The following FAM241A variants were observed in gnomAD, a reference collection of about 807,000 sequenced individuals.
FAM241A encodes the protein family with sequence similarity 241 member A.
Under a neutral mutation model 12.2 loss-of-function variants are expected in FAM241A, and 7 were observed. The observed-to-expected ratio is 0.58, with a 90% confidence interval of 0.33 to 1.08. The LOEUF (loss-of-function observed/expected upper bound fraction) is 1.08. FAM241A is among the 50% of genes least tolerant of loss of function. The pLI, the probability that FAM241A is intolerant of heterozygous loss-of-function variation, is 0.04. For synonymous variants in FAM241A, 74 were observed against 68.2 expected (o/e 1.08, Z -0.42); for missense variants, 161 against 169.7 (o/e 0.95, Z 0.29).
chr4:112,173,903 A>G (rs531370305), intron 1 of FAM241A, among the ~76,000 whole-genome samples: 116 of 152,368 alleles, frequency 7.6e-4, no homozygotes, highest in African/African-American at 2.3e-3. Flanking sequence ...GCAAAGCAGC[A>G]ATTTAACTGT....
intron 1 of FAM241A, among the ~76,000 whole-genome samples, chr4:112,161,067 T>C (rs575815225): frequency 9.4e-4 from 143 of 152,198 alleles, no homozygotes; most frequent in Middle Eastern, 6.8e-3. Context: ...TAGGCTCACA[T>C]GAAGTTAAAA....
intron 1 of FAM241A, among the ~76,000 whole-genome samples, chr4:112,172,724 T>C (rs1723748710): frequency 6.6e-6 from 1 of 152,222 alleles, no homozygotes; most frequent in Non-Finnish European, 1.5e-5. Flanking sequence ...ATCTAATACT[T>C]TATAGGTACC....
chr4:112,158,946 T>G (rs552353440), intron 1 of FAM241A, among the ~76,000 whole-genome samples: 39 of 152,292 alleles, frequency 2.6e-4, no homozygotes, highest in Admixed American at 1.4e-3. Context: ...GACTGTATGA[T>G]TGTGCTTTAT....
rs559550971 is a variant in FAM241A at position 112,194,984 on chromosome 4, G to C, written c.*8046G>C. 1 of 152,234 alleles carries C rather than the reference G, an allele frequency of 6.6e-6. No individual in the cohort carries two copies. 9.4% of individuals were successfully genotyped at this position (152,234 alleles called of 1,614,324 possible). ...AGACGGGGTTTCACCATGTTGGCCA[G>C]GATGGTCTCAATCGCTTGACCTCAT... On this transcript the variant is annotated 3_prime_UTR_variant, in exon 2 of 2. Transcript: ENST00000309733.
chr4:112,165,693 A>G (rs1486552890), intron 1 of FAM241A, among the ~76,000 whole-genome samples: 4 of 152,144 alleles, frequency 2.6e-5, no homozygotes, highest in African/African-American at 9.7e-5. Context: ...TACTTGTGGG[A>G]TCTAAAAATC....
chr4:112,155,400 C>T (rs1723331300), intron 1 of FAM241A, among the ~76,000 whole-genome samples: 1 of 151,996 alleles, frequency 6.6e-6, no homozygotes, highest in Non-Finnish European at 1.5e-5. Flanking sequence ...TTGTTTTTAT[C>T]CATCCCCTCA....
intron 1 of FAM241A, among the ~76,000 whole-genome samples, chr4:112,159,476 A>G (rs1024485056): frequency 2.0e-5 from 3 of 152,210 alleles, no homozygotes; most frequent in African/African-American, 7.2e-5. Context: ...AGACACATCA[A>G]AGAAAGAAAA....
intron 1 of FAM241A, among the ~76,000 whole-genome samples, chr4:112,159,521 C>G (rs553630347): frequency 3.9e-5 from 6 of 152,174 alleles, no homozygotes; most frequent in Non-Finnish European, 7.4e-5. Context: ...TATTGAGGTA[C>G]AAATCCTCAA....
At chr4:112,179,968 T>G (rs1347850618) in intron 1 of FAM241A, among the ~76,000 whole-genome samples, 1 of 145,838 alleles carries the variant, frequency 6.9e-6, no homozygotes, top group Non-Finnish European at 1.5e-5. Flanking sequence ...TGTATATATA[T>G]ATATCACATA....
intron 1 of FAM241A, among the ~76,000 whole-genome samples, chr4:112,149,182 T>G (rs1723197855): frequency 6.6e-6 from 1 of 151,742 alleles, no homozygotes; most frequent in African/African-American, 2.4e-5. Flanking sequence ...TATACACACT[T>G]TTTTTTTGAG....
rs1245395117 is a variant in FAM241A at position 112,193,460 on chromosome 4, C to T, written c.*6522C>T. 2 of 152,124 alleles carry T rather than the reference C, an allele frequency of 1.3e-5. No homozygotes were observed. The highest frequency in any genetic ancestry group is 1.9e-4 in the East Asian group (1 of 5,192). 9.4% of individuals were successfully genotyped at this position (152,124 alleles called of 1,614,324 possible). Reference sequence around the variant, plus strand: ...TGAATGGTAATGCCTAGGTTTTCTTCTAGGGTTTTTATGGTTTTAGGTCTG... The same window carrying T: ...TGAATGGTAATGCCTAGGTTTTCTTTTAGGGTTTTTATGGTTTTAGGTCTG... On this transcript the variant is annotated 3_prime_UTR_variant, in exon 2 of 2. Transcript: ENST00000309733.
chr4:112,171,464 T>A (rs1723718066), intron 1 of FAM241A: 2 of 778,782 alleles, frequency 2.6e-6, no homozygotes, highest in Non-Finnish European at 4.7e-6. Flanking sequence ...TGCTGGCTAT[T>A]AAAAGATGCA....
At chr4:112,149,994 A>G (rs1723215298) in intron 1 of FAM241A, among the ~76,000 whole-genome samples, 1 of 152,080 alleles carries the variant, frequency 6.6e-6, no homozygotes, top group South Asian at 2.1e-4. Context: ...CACCACTCAC[A>G]TGTATACACG....
intron 1 of FAM241A, among the ~76,000 whole-genome samples, chr4:112,162,265 T>A (rs529550614): frequency 6.6e-6 from 1 of 152,174 alleles, no homozygotes; most frequent in African/African-American, 2.4e-5. Flanking sequence ...AGGGATGCCC[T>A]CTCTCACCAC....
At chr4:112,171,759 T>C (rs754118049) in intron 1 of FAM241A, among the ~76,000 whole-genome samples, 1 of 152,044 alleles carries the variant, frequency 6.6e-6, no homozygotes, top group Non-Finnish European at 1.5e-5. Flanking sequence ...CTCAGGAGGC[T>C]GAGGCAGGAG....
rs148908165 is a variant in FAM241A, at chr4:112,163,538, C to A, written c.153+17805C>A. Reference sequence around the variant, plus strand: ...CACTTCTCAAAAGAAGACATTTATACAGCCAAAAGACACATGAAAAAATGC... The same window carrying A: ...CACTTCTCAAAAGAAGACATTTATAAAGCCAAAAGACACATGAAAAAATGC... On this transcript the variant is annotated intron_variant, in intron 1 of 1. Coordinates refer to ENST00000309733, the MANE Select transcript of FAM241A (RefSeq NM_152400.3). Among the ~76,000 whole-genome samples the A allele has an allele frequency of 3.0e-3, 463 of 152,312 alleles. 6 individuals carry two copies. The highest frequency in any genetic ancestry group is 0.011 in the African/African-American group (442 of 41,568).
At chr4:112,168,906 C>A (rs1246780370) in intron 1 of FAM241A, among the ~76,000 whole-genome samples, 2 of 152,270 alleles carry the variant, frequency 1.3e-5, no homozygotes, top group South Asian at 2.1e-4. Flanking sequence ...CTCAAGTAAT[C>A]CGCCTGCCTC....
chr4:112,157,494 G>A (rs1723378001), intron 1 of FAM241A, among the ~76,000 whole-genome samples: 1 of 151,942 alleles, frequency 6.6e-6, no homozygotes. Context: ...GCTACACTAA[G>A]TAGATTAATT....
At chr4:112,163,877 GT>G (rs1399153614) in intron 1 of FAM241A, among the ~76,000 whole-genome samples, 3 of 152,176 alleles carry the variant, frequency 2.0e-5, no homozygotes, top group Admixed American at 6.5e-5. Context: ...GTGTCCATCA[GT>G]GATAGACTGG....
Sources: allele counts gnomAD v4.1 joint callset (sites outside exome capture counted in the v4.1 genomes callset), GRCh38; gene constraint gnomAD v4.1.1; transcripts MANE v1.5; gene names NCBI Gene and HGNC (gene_info 2026-07-23, HGNC 2026-07-21).